RAPGEF4: variants seen among roughly 807,000 people sequenced by gnomAD.
The protein encoded by RAPGEF4 is Rap guanine nucleotide exchange factor 4, also known as RAP guanine-nucleotide-exchange factor (GEF) 4.
Under a neutral mutation model 147.9 loss-of-function variants are expected in RAPGEF4, and 66 were observed. The ratio of observed to expected loss-of-function variants is 0.45; its 90% CI spans 0.37 to 0.55. RAPGEF4 has a LOEUF of 0.55. Ranked by LOEUF, RAPGEF4 falls within the 20% of genes least tolerant of loss-of-function variation. The probability of loss-of-function intolerance (pLI) is 0.00; values close to 1 mark genes in which losing one functional copy is unlikely to be tolerated. For synonymous variants in RAPGEF4, 419 were observed against 442.7 expected (o/e 0.95, Z 0.67); for missense variants, 1,071 against 1,257.3 (o/e 0.85, Z 2.24).
chr2:172,855,051 G>GCTTTTT (rs1693266450), intron 4 of RAPGEF4, among the ~76,000 whole-genome samples: 1 of 152,140 alleles, frequency 6.6e-6, no homozygotes, highest in African/African-American at 2.4e-5. Flanking sequence ...GCAGTTGGAT[G>GCTTTTT]CTGTCAGCTA....
At chr2:172,933,378 C>T (rs559707208) in intron 6 of RAPGEF4, among the ~76,000 whole-genome samples, 11 of 152,042 alleles carry the variant, frequency 7.2e-5, no homozygotes, top group African/African-American at 1.9e-4. Flanking sequence ...GGCTTGAACA[C>T]GTGGAAGGAT....
intron 6 of RAPGEF4, among the ~76,000 whole-genome samples, chr2:172,958,396 C>T (rs916042619): frequency 7.2e-5 from 11 of 152,164 alleles, no homozygotes; most frequent in African/African-American, 2.4e-4. Context: ...AAATATGTAG[C>T]GTGTTTTAAC....
At position 172,985,508 on chromosome 2, in the gene RAPGEF4, G is replaced by A. The variant is rs1692156307; in HGVS notation, c.1150+15G>A. 6.2e-7 allele frequency: 1 copy of A among 1,610,380 alleles called. No individual in the cohort carries two copies. Among genetic ancestry groups the A allele is most frequent in the Non-Finnish European group, 8.5e-7 (1 of 1,178,840 alleles). On this transcript the variant is annotated intron_variant, in intron 12 of 30. Coordinates refer to ENST00000397081, the MANE Select transcript of RAPGEF4 (RefSeq NM_007023.4). Reference sequence around the variant, plus strand: ...AGGGACTGTGTGTAAGTGAAAAGCTGTACTGGAACCTTGCGCCTGGCCAGC... The same window carrying A: ...AGGGACTGTGTGTAAGTGAAAAGCTATACTGGAACCTTGCGCCTGGCCAGC...
intron 1 of RAPGEF4, among the ~76,000 whole-genome samples, chr2:172,745,911 T>C (rs151251240): frequency 6.6e-6 from 1 of 152,284 alleles, no homozygotes; most frequent in African/African-American, 2.4e-5. Context: ...AAATACAGCA[T>C]AATTCTAAAG....
At chr2:172,978,441 T>G (rs1016882496) in intron 10 of RAPGEF4, among the ~76,000 whole-genome samples, 10 of 152,208 alleles carry the variant, frequency 6.6e-5, no homozygotes, top group African/African-American at 2.4e-4. Context: ...TTTCACACCC[T>G]CTGTTCTGCT....
chr2:172,860,298 G>A, intron 4 of RAPGEF4: 1 of 985,422 alleles, frequency 1.0e-6, no homozygotes, highest in Non-Finnish European at 1.2e-6. Flanking sequence ...GAAGTGTCTG[G>A]TGTAAGTTTC....
At position 172,788,696 on chromosome 2, in the gene RAPGEF4, G is replaced by C. The variant is rs1178648481; in HGVS notation, c.66-6329G>C. ...GCCTAGGAGTTCAAGACCACCCTGGGCAACAAGGCGAGACCCTGTCTCTAC... is the reference window on the plus strand; with the variant it reads ...GCCTAGGAGTTCAAGACCACCCTGGCCAACAAGGCGAGACCCTGTCTCTAC... On this transcript the variant is annotated intron_variant, in intron 1 of 30. Coordinates refer to ENST00000397081, the MANE Select transcript of RAPGEF4 (RefSeq NM_007023.4). Among the ~76,000 whole-genome samples, 10 of 151,876 alleles carry C rather than the reference G, an allele frequency of 6.6e-5. No homozygotes were observed. The East Asian group carries it at 1.5e-3, about 24-fold the overall frequency.
intron 3 of RAPGEF4, among the ~76,000 whole-genome samples, chr2:172,799,301 A>G (rs750144280): frequency 1.2e-4 from 18 of 152,166 alleles, no homozygotes; most frequent in Admixed American, 1.0e-3. Flanking sequence ...GTGGTTAAAT[A>G]ACTTACCTCG....
chr2:172,948,267 G>T lies in RAPGEF4; in HGVS notation c.538-12493G>T, dbSNP rs570608794. Among the ~76,000 whole-genome samples the T allele has an allele frequency of 1.2e-4, 19 of 152,286 alleles. 1 individual carries two copies. The highest frequency in any genetic ancestry group is 4.6e-4 in the African/African-American group (19 of 41,564). ...TTTGTTGGGCTTTTATGTGGCAGTA[G>T]ATTTCTGAGGTGTTAGGAATGTGCT... On this transcript the variant is annotated intron_variant, in intron 6 of 30. Transcript: ENST00000397081.
intron 18 of RAPGEF4, among the ~76,000 whole-genome samples, chr2:173,015,218 C>T (rs1335905850): frequency 6.6e-6 from 1 of 152,108 alleles, no homozygotes; most frequent in East Asian, 1.9e-4. Flanking sequence ...ATTGCTAGAA[C>T]TGGAAATGGT....
rs1358612504 is a variant in RAPGEF4 at position 173,042,274 on chromosome 2, T to A, written c.2853+5582T>A. ...TGTAATGTTTCAGTGTTGGGCTTAG[T>A]GCACGAAAGCATTTTTCAAATATTT... On this transcript the variant is annotated intron_variant, in intron 29 of 30. Transcript: ENST00000397081. The surrounding 1 kb of genome is among the most constrained non-coding windows in gnomAD (Gnocchi z 4.2). Among the ~76,000 whole-genome samples, 4 of 152,248 alleles carry A rather than the reference T, an allele frequency of 2.6e-5. No homozygotes were observed. Among genetic ancestry groups the A allele is most frequent in the African/African-American group, 9.6e-5 (4 of 41,470 alleles).
intron 29 of RAPGEF4, among the ~76,000 whole-genome samples, chr2:173,041,967 C>T (rs1038073352): frequency 2.6e-5 from 4 of 152,214 alleles, no homozygotes; most frequent in African/African-American, 9.6e-5. Flanking sequence ...ATCTCCCCTC[C>T]TCCCTGTGGT....
At chr2:172,821,757 A>G in intron 4 of RAPGEF4, 1 of 1,121,030 alleles carries the variant, frequency 8.9e-7, no homozygotes, top group Non-Finnish European at 1.1e-6. Flanking sequence ...AAAAAAAAAA[A>G]AAAAGGAAGT....
chr2:172,865,488 G>A (rs1359423162), intron 4 of RAPGEF4, among the ~76,000 whole-genome samples: 2 of 152,194 alleles, frequency 1.3e-5, no homozygotes, highest in African/African-American at 4.8e-5. Flanking sequence ...AGACCAAAAA[G>A]GGCACTAGTC....
At chr2:172,835,029 C>T (rs1002442089) in intron 4 of RAPGEF4, among the ~76,000 whole-genome samples, 1 of 152,184 alleles carries the variant, frequency 6.6e-6, no homozygotes, top group Non-Finnish European at 1.5e-5. Flanking sequence ...TAGCTGACAC[C>T]AGTACGTTAC....
rs115318668 is a variant in RAPGEF4, at chr2:172,804,015, G to C, written c.297+6402G>C. On this transcript the variant is annotated intron_variant, in intron 3 of 30. Transcript: ENST00000397081. ...CCCATAATTCAATTTCCTTCCACCA[G>C]TTCCTCCCATGACATGTGGGAATTG... Among the ~76,000 whole-genome samples the C allele has an allele frequency of 4.0e-3, 606 of 152,174 alleles. 2 individuals carry two copies. The highest frequency in any genetic ancestry group is 0.014 in the African/African-American group (566 of 41,510).
intron 6 of RAPGEF4, among the ~76,000 whole-genome samples, chr2:172,955,838 C>T (rs1343707113): frequency 4.6e-5 from 7 of 152,144 alleles, no homozygotes; most frequent in Admixed American, 4.6e-4. Context: ...TGGGTGGCAG[C>T]TGTGGCAGCC....
chr2:172,831,285 T>TTTA (rs1690303455), intron 4 of RAPGEF4, among the ~76,000 whole-genome samples: 1 of 142,308 alleles, frequency 7.0e-6, no homozygotes. Context: ...TTTTTTTTTT[T>TTTA]GAGACAGAGT....
chr2:172,840,343 G>A (rs1228414579), intron 4 of RAPGEF4, among the ~76,000 whole-genome samples: 2 of 152,220 alleles, frequency 1.3e-5, no homozygotes, highest in African/African-American at 4.8e-5. Context: ...GGCGAAGAAG[G>A]AGTGAGCCCT....
Sources: gnomAD v4.1 joint callset for allele counts (sites outside exome capture counted in the v4.1 genomes callset) on GRCh38, gnomAD v4.1.1 for gene constraint, Gnocchi (gnomAD v3.1) non-coding constraint, MANE v1.5 for transcripts, NCBI Gene and HGNC (gene_info 2026-07-23, HGNC 2026-07-21) for gene names.